RNF10: variants seen among roughly 807,000 people sequenced by gnomAD.
RNF10 encodes the protein E3 ubiquitin-protein ligase RNF10.
A neutral mutation model predicts 91.4 loss-of-function variants in RNF10; 38 were observed. That is an observed-to-expected ratio of 0.42 (90% CI 0.32 to 0.54). The LOEUF is 0.54. Among genes scored for constraint, RNF10 ranks in the 20% least tolerant of loss-of-function variants. The pLI, the probability that RNF10 is intolerant of heterozygous loss-of-function variation, is 0.16. For missense variants in RNF10, 945 were observed against 1,012.0 expected, an observed-to-expected ratio of 0.93 and a Z score of 0.90; for synonymous variants, 364 against 366.3, an observed-to-expected ratio of 0.99 and a Z score of 0.07.
intron 9 of RNF10, 30 bp downstream of exon 9, chr12:120,563,653 G>T: frequency 6.3e-7 from 1 of 1,575,012 alleles, no homozygotes; most frequent in Non-Finnish European, 8.6e-7. Flanking sequence ...GGGCTGGGTT[G>T]CCGCAGAGGT....
chr12:120,543,627 C>T (rs898448587), intron 1 of RNF10, among the ~76,000 whole-genome samples: 5 of 151,970 alleles, frequency 3.3e-5, no homozygotes, highest in African/African-American at 1.2e-4. Context: ...CATGGCAAAA[C>T]CCCGTCTATA....
chr12:120,552,761 C>T, intron 3 of RNF10, 63 bp downstream of exon 3: 1 of 1,409,064 alleles, frequency 7.1e-7, no homozygotes, highest in Non-Finnish European at 9.7e-7. Context: ...TGTGGTGCCT[C>T]TGTGAGAGGC....
chr12:120,535,661 A>G (rs1309984363), intron 1 of RNF10: 2 of 152,202 alleles, frequency 1.3e-5, no homozygotes, highest in Non-Finnish European at 2.9e-5. Flanking sequence ...TCTGGCGTCT[A>G]TTTTGCGCCA....
Position 120,563,478 on chromosome 12 carries a change from G to C in RNF10, c.1386G>C (p.Gly462=), listed in dbSNP as rs775202544. The change falls in exon 9 of 17, where the codon GGG becomes GGC. Residue 462 remains glycine, a synonymous_variant. Transcript: ENST00000325954. ...EEAVSEPEPE[G]LPEACDDLEL... ...CAGTGTCTGAACCAGAGCCTGAGGG[G>C]TTGCCAGAGGCCTGTGATGACTTGG... 3 of 1,614,150 alleles carry C rather than the reference G, an allele frequency of 1.9e-6. No individual in the cohort carries two copies. In the South Asian group the frequency reaches 3.3e-5, roughly 18 times the overall value.
At chr12:120,573,646 G>A (rs1468337049) in intron 14 of RNF10, among the ~76,000 whole-genome samples, 1 of 152,106 alleles carries the variant, frequency 6.6e-6, no homozygotes, top group Non-Finnish European at 1.5e-5. Flanking sequence ...TGGGCATCTG[G>A]TGAGTGCCTC....
intron 6 of RNF10, among the ~76,000 whole-genome samples, chr12:120,559,168 G>A (rs1210817690): frequency 1.5e-5 from 2 of 129,700 alleles, no homozygotes; most frequent in African/African-American, 5.7e-5. Context: ...GGCTGGTCTT[G>A]AACTACTCTT....
At chr12:120,552,399 C>CA (rs112757664) in intron 2 of RNF10, 100 bp from the exon 3 acceptor site, 11,872 of 785,464 alleles carry the variant, frequency 0.015, 1 homozygote, top group Non-Finnish European at 0.017. Context: ...GACTCCGTCT[C>CA]AAAAAAAAAA....
At position 120,540,078 on chromosome 12, in the gene RNF10, TAA is replaced by T. The variant is rs63190362; in HGVS notation, c.157+5123_157+5124del. The stretch of plus-strand genomic sequence containing the variant: ...CAAACTCCTGACCTCATGAGGAACT[TAA>T]AAAAAAAAAAAATAGGGGTGTGTGG... On this transcript the variant is annotated intron_variant, in intron 1 of 16. Coordinates refer to ENST00000325954, the MANE Select transcript of RNF10 (RefSeq NM_014868.5). Among the ~76,000 whole-genome samples, 424 of 144,156 alleles carry T rather than the reference TAA, an allele frequency of 2.9e-3. 2 individuals are homozygous for T. The highest frequency in any genetic ancestry group is 0.013 in the East Asian group (64 of 4,950). The allele number at this position is 144,156 out of a possible 152,430, so 94.6% of individuals were successfully genotyped here.
chr12:120,565,302 C>A, intron 11 of RNF10, 113 bp downstream of exon 11: 1 of 1,138,266 alleles, frequency 8.8e-7, no homozygotes, highest in Non-Finnish European at 1.3e-6. Context: ...TTAGTACCTC[C>A]TAAACACTTC....
In RNF10 at chr12:120,563,706, A is replaced by G; in HGVS notation, c.1531+83A>G. ...GTGCTCTAAGCAGAGGAGCGCCACT[A>G]GATCCTGTGGCTTGGGTGGCTTGAG... On this transcript the variant is annotated intron_variant, in intron 9 of 16. Coordinates refer to ENST00000325954, the MANE Select transcript of RNF10 (RefSeq NM_014868.5). 1.9e-6 allele frequency: 3 copies of G among 1,576,456 alleles called. No homozygotes were observed. The Admixed American group carries it at 5.2e-5, about 28-fold the overall frequency.
At chr12:120,568,151 G>C (rs1391947219) in intron 13 of RNF10, among the ~76,000 whole-genome samples, 2 of 151,954 alleles carry the variant, frequency 1.3e-5, no homozygotes, top group Non-Finnish European at 2.9e-5. Context: ...AGGCTGAGGT[G>C]GGGAGATGGC....
At chr12:120,566,743 C>G in intron 12 of RNF10, 82 bp from the exon 13 acceptor site, 3 of 1,269,924 alleles carry the variant, frequency 2.4e-6, no homozygotes, top group South Asian at 1.3e-5. Flanking sequence ...GCCTGGGTGA[C>G]AGAGTGAGAC....
chr12:120,569,492 C>A (rs1876272911), intron 13 of RNF10, among the ~76,000 whole-genome samples: 1 of 149,732 alleles, frequency 6.7e-6, no homozygotes, highest in Non-Finnish European at 1.5e-5. Flanking sequence ...AAGGAGCATA[C>A]GAAGGACTGT....
rs184651890 is a variant in RNF10, at chr12:120,543,994, G to A, written c.158-2411G>A. Among the ~76,000 whole-genome samples, 80 of 152,136 alleles carry A rather than the reference G, an allele frequency of 5.3e-4. 1 individual carries two copies. The highest frequency in any genetic ancestry group is 1.2e-3 in the Admixed American group (18 of 15,280). On this transcript the variant is annotated intron_variant, in intron 1 of 16. Coordinates refer to ENST00000325954, the MANE Select transcript of RNF10 (RefSeq NM_014868.5). The stretch of plus-strand genomic sequence containing the variant: ...TGTAATCCCAGTACTTTGGGAGGCC[G>A]AGGTGAGTGGATCACTTGAGGTCAG...
chr12:120,567,529 T>C (rs1252057679), intron 13 of RNF10, among the ~76,000 whole-genome samples: 4 of 151,974 alleles, frequency 2.6e-5, no homozygotes, highest in African/African-American at 4.8e-5. Flanking sequence ...AGTGAAACCC[T>C]ATCTCTACTG....
chr12:120,550,603 CTT>C (rs1184392958), intron 2 of RNF10, among the ~76,000 whole-genome samples: 9 of 141,886 alleles, frequency 6.3e-5, no homozygotes, highest in Admixed American at 1.4e-4. Context: ...TTTTTGTTTG[CTT>C]TTTTTTTTTT....
At position 120,576,743 on chromosome 12, in the gene RNF10, T is replaced by C; in HGVS notation, c.*77T>C. ...TTCCCCCATGCTTTTGTTTGGCTGC[T>C]GTAATTTTTAAGTATTTGAGTTTGA... On this transcript the variant is annotated 3_prime_UTR_variant, in exon 17 of 17. Transcript: ENST00000325954. 6.3e-7 allele frequency: 1 copy of C among 1,578,410 alleles called. No homozygotes were observed. Among genetic ancestry groups the C allele is most frequent in the Non-Finnish European group, 8.6e-7 (1 of 1,165,134 alleles).
chr12:120,544,814 C>T (rs12369178), intron 1 of RNF10, among the ~76,000 whole-genome samples: 43,914 of 152,032 alleles, frequency 0.29, 7,025 homozygotes, highest in Admixed American at 0.4. Context: ...TCACCTAAGC[C>T]TCTGTGTAAA....
intron 6 of RNF10, among the ~76,000 whole-genome samples, chr12:120,558,272 T>C (rs1874317664): frequency 6.6e-6 from 1 of 152,144 alleles, no homozygotes; most frequent in Non-Finnish European, 1.5e-5. Context: ...ATCCAAAAGT[T>C]TTAACCTTTT....
Sources: allele counts gnomAD v4.1 joint callset (sites outside exome capture counted in the v4.1 genomes callset), GRCh38; gene constraint gnomAD v4.1.1; transcripts MANE v1.5; gene names NCBI Gene and HGNC (gene_info 2026-07-23, HGNC 2026-07-21).